Variants in MAML2 observed in about 807,000 individuals in gnomAD.
The protein encoded by MAML2 is mastermind like transcriptional coactivator 2, also known as mastermind-like protein 2.
In MAML2, 22 loss-of-function variants were observed where a neutral mutation model predicts 96.1. The ratio of observed to expected loss-of-function variants is 0.23; its 90% CI spans 0.16 to 0.33. The LOEUF is 0.33. MAML2 is among the 10% of genes least tolerant of loss of function. MAML2 has a pLI of 1.00. For missense variants in MAML2, 1,367 were observed against 1,392.4 expected (o/e 0.98, Z 0.29); for synonymous variants, 561 against 521.3 (o/e 1.08, Z -1.04).
chr11:96,342,180 A>G lies in MAML2; in HGVS notation c.-285T>C. On this transcript the variant is annotated 5_prime_UTR_variant, in exon 1 of 5. Transcript: ENST00000524717. ...CATTTGACAGCTCTGGAGAAGTTGG[A>G]CAGAGTTGGTGGATTTTTTTTCCTC... The G allele has an allele frequency of 2.1e-6, 1 of 475,100 alleles. No homozygotes were observed. The allele number at this position is 475,100 out of a possible 1,614,324, so 29.4% of individuals were successfully genotyped here.
intron 1 of MAML2, among the ~76,000 whole-genome samples, chr11:96,269,084 T>C (rs1862874135): frequency 1.4e-5 from 2 of 145,108 alleles, no homozygotes; most frequent in South Asian, 4.4e-4. Context: ...TCATATACCA[T>C]GGAAATGACT....
chr11:96,183,455 T>C (rs1399846378), intron 1 of MAML2, among the ~76,000 whole-genome samples: 1 of 135,724 alleles, frequency 7.4e-6, no homozygotes, highest in Non-Finnish European at 1.6e-5. Context: ...TGGAGTACAG[T>C]GGCACAATCA....
chr11:96,151,975 G>A (rs1312161908), intron 1 of MAML2, among the ~76,000 whole-genome samples: 2 of 152,192 alleles, frequency 1.3e-5, no homozygotes, highest in African/African-American at 4.8e-5. Context: ...TTGGCACTTT[G>A]GGAGGCCAAG....
Position 96,191,493 on chromosome 11 carries a change from G to A in MAML2, c.514-97976C>T, listed in dbSNP as rs898841651. Among the ~76,000 whole-genome samples, 67 of 124,028 alleles carry A rather than the reference G, an allele frequency of 5.4e-4. 2 individuals are homozygous for A. The highest frequency in any genetic ancestry group is 1.6e-4 in the Admixed American group (2 of 12,440). The allele number at this position is 124,028 out of a possible 152,430, so 81.4% of individuals were successfully genotyped here. On this transcript the variant is annotated intron_variant, in intron 1 of 4. Coordinates refer to ENST00000524717, the MANE Select transcript of MAML2 (RefSeq NM_032427.4). Reference sequence around the variant, plus strand: ...AAAATAACAATAATAAAAAAAAAAAGGGCCGGGAGCGGTGGCTCAGCCCGT... The same window carrying A: ...AAAATAACAATAATAAAAAAAAAAAAGGCCGGGAGCGGTGGCTCAGCCCGT...
At chr11:96,271,662 C>G (rs754891491) in intron 1 of MAML2, among the ~76,000 whole-genome samples, 17 of 152,298 alleles carry the variant, frequency 1.1e-4, no homozygotes, top group Middle Eastern at 3.4e-3. Flanking sequence ...TGCTTCCCCT[C>G]CCACCATGAT....
intron 3 of MAML2, among the ~76,000 whole-genome samples, chr11:95,990,002 C>T (rs1452922428): frequency 6.6e-6 from 1 of 152,148 alleles, no homozygotes; most frequent in Non-Finnish European, 1.5e-5. Flanking sequence ...GCTCCACCCT[C>T]CACCTACAAT....
At chr11:96,010,753 A>G (rs1262298901) in intron 2 of MAML2, among the ~76,000 whole-genome samples, 1 of 152,200 alleles carries the variant, frequency 6.6e-6, no homozygotes, top group Non-Finnish European at 1.5e-5. Flanking sequence ...AGAAAGAGAG[A>G]CAGAGAAATA....
intron 1 of MAML2, among the ~76,000 whole-genome samples, chr11:96,191,806 G>T (rs1436742337): frequency 6.6e-6 from 1 of 150,840 alleles, no homozygotes; most frequent in Non-Finnish European, 1.5e-5. Context: ...AATGGAATTA[G>T]TTGAAATTCT....
In MAML2 at chr11:96,191,769, T is replaced by C. The variant is rs560588673; in HGVS notation, c.514-98252A>G. 1.4e-3 allele frequency among the ~76,000 whole-genome samples: 94 copies of C among 65,604 alleles called. 1 individual carries two copies. In the South Asian group the frequency reaches 0.044, roughly 31 times the overall value. 43.0% of individuals were successfully genotyped at this position (65,604 alleles called of 152,430 possible). A position where few individuals can be genotyped will look rare whatever the true frequency, so the allele number is the denominator to read the frequency against. On this transcript the variant is annotated intron_variant, in intron 1 of 4. Transcript: ENST00000524717. ...CCTGGCAACAGAGCGAAACTCTGTC[T>C]CAAAAAAAAAAAAAAAACCACAAAA...
At chr11:96,115,193 C>A (rs1409055822) in intron 1 of MAML2, among the ~76,000 whole-genome samples, 1 of 150,050 alleles carries the variant, frequency 6.7e-6, no homozygotes, top group African/African-American at 2.5e-5. Context: ...GAGATGGGGT[C>A]TTGCTCTGTG....
intron 1 of MAML2, among the ~76,000 whole-genome samples, chr11:96,329,933 A>G (rs1292719800): frequency 6.6e-6 from 1 of 152,200 alleles, no homozygotes; most frequent in Non-Finnish European, 1.5e-5. Context: ...TCTGTGACCT[A>G]GAAGATCGAA....
At chr11:96,037,203 A>G (rs4753714) in intron 2 of MAML2, among the ~76,000 whole-genome samples, 14,250 of 148,904 alleles carry the variant, frequency 0.096, 948 homozygotes, top group East Asian at 0.26. Flanking sequence ...AAACAACAAC[A>G]ACAAAAAAAA....
intron 1 of MAML2, among the ~76,000 whole-genome samples, chr11:96,177,964 A>G (rs1441305490): frequency 7.7e-6 from 1 of 130,606 alleles, no homozygotes; most frequent in Non-Finnish European, 1.7e-5. Flanking sequence ...GTGTTTAAAT[A>G]AGATCCTCTA....
intron 1 of MAML2, among the ~76,000 whole-genome samples, chr11:96,186,308 G>A (rs1861574298): frequency 6.6e-6 from 1 of 152,218 alleles, no homozygotes; most frequent in Non-Finnish European, 1.5e-5. Context: ...GTGGGATGAA[G>A]GCCGGGTGCA....
At chr11:96,175,894 G>A (rs932426037) in intron 1 of MAML2, among the ~76,000 whole-genome samples, 50 of 152,110 alleles carry the variant, frequency 3.3e-4, no homozygotes, top group Admixed American at 1.6e-3. Flanking sequence ...GAGCCACAGC[G>A]CCTGGCCTTA....
At chr11:96,022,761 T>A (rs914333328) in intron 2 of MAML2, among the ~76,000 whole-genome samples, 1 of 152,214 alleles carries the variant, frequency 6.6e-6, no homozygotes, top group African/African-American at 2.4e-5. Context: ...TGAGGCTGAC[T>A]GGGATCTCAC....
chr11:96,258,626 T>A (rs1862703534), intron 1 of MAML2, among the ~76,000 whole-genome samples: 2 of 152,156 alleles, frequency 1.3e-5, no homozygotes, highest in South Asian at 4.1e-4. Flanking sequence ...GGAGTAAACA[T>A]CAAAGCCCAA....
chr11:96,185,538 C>T (rs889067743), intron 1 of MAML2, among the ~76,000 whole-genome samples: 3 of 152,170 alleles, frequency 2.0e-5, no homozygotes, highest in Admixed American at 6.5e-5. Flanking sequence ...TGCCTGTTAC[C>T]CAGCCTTGTC....
chr11:96,034,450 A>T (rs1288038358), intron 2 of MAML2, among the ~76,000 whole-genome samples: 3 of 142,414 alleles, frequency 2.1e-5, no homozygotes, highest in African/African-American at 5.7e-5. Context: ...AGAGAGAGAG[A>T]GAGAGAGTGT....
Sources: gnomAD v4.1 joint callset for allele counts (sites outside exome capture counted in the v4.1 genomes callset) on GRCh38, gnomAD v4.1.1 for gene constraint, MANE v1.5 for transcripts, NCBI Gene and HGNC (gene_info 2026-07-23, HGNC 2026-07-21) for gene names.